The following MAGI2 variants were observed in gnomAD, a reference collection of about 807,000 sequenced individuals.
MAGI2 encodes the protein membrane-associated guanylate kinase, WW and PDZ domain-containing protein 2.
A neutral mutation model predicts 133.3 loss-of-function variants in MAGI2; 35 were observed. That is an observed-to-expected ratio of 0.26 (90% confidence interval 0.20 to 0.35). MAGI2 has a LOEUF of 0.35. Among genes scored for constraint, MAGI2 ranks in the 10% least tolerant of loss-of-function variants. The probability of loss-of-function intolerance (pLI) is 1.00; values close to 1 mark genes in which losing one functional copy is unlikely to be tolerated. For synonymous variants in MAGI2, 729 were observed against 710.6 expected (o/e 1.03, Z -0.41); for missense variants, 1,636 against 1,863.4 (o/e 0.88, Z 2.25).
chr7:78,451,935 A>T (rs988117581), intron 6 of MAGI2, among the ~76,000 whole-genome samples: 2 of 152,108 alleles, frequency 1.3e-5, no homozygotes, highest in African/African-American at 4.8e-5. Flanking sequence ...GGCATTTAAA[A>T]ATATTTCACA....
intron 2 of MAGI2, among the ~76,000 whole-genome samples, chr7:78,751,933 T>C (rs904118603): frequency 3.9e-5 from 6 of 152,216 alleles, no homozygotes; most frequent in Admixed American, 1.3e-4. Context: ...ACTTATAGTC[T>C]ACTACAGACA....
At chr7:78,613,886 ATTAC>A (rs1216481597) in intron 3 of MAGI2, among the ~76,000 whole-genome samples, 2 of 151,986 alleles carry the variant, frequency 1.3e-5, no homozygotes, top group Non-Finnish European at 2.9e-5. Context: ...AGGTGGGTGG[ATTAC>A]TTGAGGTCAG....
intron 1 of MAGI2, among the ~76,000 whole-genome samples, chr7:79,341,195 T>G (rs1840875834): frequency 6.6e-6 from 1 of 152,180 alleles, no homozygotes; most frequent in African/African-American, 2.4e-5. Flanking sequence ...CTTTAATTTT[T>G]GTATTGGGCA....
At chr7:78,628,166 T>C (rs893522323) in intron 2 of MAGI2, among the ~76,000 whole-genome samples, 1 of 152,218 alleles carries the variant, frequency 6.6e-6, no homozygotes, top group Non-Finnish European at 1.5e-5. Flanking sequence ...TCTTCAAGGC[T>C]GCAGGTTTGT....
chr7:78,689,380 A>G (rs1274952319), intron 2 of MAGI2, among the ~76,000 whole-genome samples: 1 of 152,156 alleles, frequency 6.6e-6, no homozygotes, highest in Admixed American at 6.5e-5. Context: ...ATATTCTATA[A>G]GCTGATATTA....
chr7:78,936,100 T>G (rs1390525522), intron 2 of MAGI2, among the ~76,000 whole-genome samples: 1 of 152,014 alleles, frequency 6.6e-6, no homozygotes, highest in Non-Finnish European at 1.5e-5. Flanking sequence ...GAATATTAAT[T>G]ATTAAAGACA....
intron 6 of MAGI2, among the ~76,000 whole-genome samples, chr7:78,419,859 A>C (rs912163523): frequency 2.6e-5 from 4 of 152,118 alleles, no homozygotes; most frequent in African/African-American, 9.7e-5. Context: ...ACTTGCTTGG[A>C]GAGTAGCATT....
At chr7:78,997,788 T>TA (rs1450633721) in intron 2 of MAGI2, among the ~76,000 whole-genome samples, 1 of 152,294 alleles carries the variant, frequency 6.6e-6, no homozygotes, top group African/African-American at 2.4e-5. Flanking sequence ...CCTTTAGCTA[T>TA]ATCTATTTGG....
chr7:78,477,650 G>A (rs1791914425), intron 6 of MAGI2, among the ~76,000 whole-genome samples: 1 of 151,814 alleles, frequency 6.6e-6, no homozygotes, highest in Non-Finnish European at 1.5e-5. Context: ...TTCACTACCA[G>A]GAGAACAGTT....
At chr7:78,674,986 T>C (rs1814846096) in intron 2 of MAGI2, among the ~76,000 whole-genome samples, 1 of 152,166 alleles carries the variant, frequency 6.6e-6, no homozygotes, top group Non-Finnish European at 1.5e-5. Context: ...AGGACAAAGC[T>C]TTCTCTTTTC....
intron 3 of MAGI2, among the ~76,000 whole-genome samples, chr7:78,604,518 T>C (rs541254341): frequency 8.0e-4 from 122 of 152,332 alleles, no homozygotes; most frequent in Non-Finnish European, 1.5e-3. Context: ...ATTCATTCAC[T>C]AAGCAAATAT....
chr7:78,870,386 A>G (rs1037661645), intron 2 of MAGI2, among the ~76,000 whole-genome samples: 4 of 151,612 alleles, frequency 2.6e-5, no homozygotes, highest in Non-Finnish European at 4.4e-5. Flanking sequence ...TAGTAGGCAA[A>G]CGACATGAAT....
At chr7:78,082,511 C>T (rs1282537920) in intron 20 of MAGI2, among the ~76,000 whole-genome samples, 1 of 152,112 alleles carries the variant, frequency 6.6e-6, no homozygotes, top group East Asian at 1.9e-4. Flanking sequence ...ATGTAGGGTC[C>T]CCTCAGAGGG....
At chr7:78,707,225 A>G (rs1325898394) in intron 2 of MAGI2, among the ~76,000 whole-genome samples, 1 of 152,130 alleles carries the variant, frequency 6.6e-6, no homozygotes, top group Admixed American at 6.6e-5. Context: ...CACCCATTAG[A>G]CCAAGGGAAG....
intron 1 of MAGI2, among the ~76,000 whole-genome samples, chr7:79,318,883 A>G (rs17152245): frequency 0.061 from 9,297 of 152,208 alleles, 531 homozygotes; most frequent in African/African-American, 0.15. Context: ...CTCTCTGTAT[A>G]TGAATTACAG....
intron 1 of MAGI2, among the ~76,000 whole-genome samples, chr7:79,022,008 G>T (rs1406219753): frequency 3.3e-5 from 5 of 152,060 alleles, no homozygotes; most frequent in Admixed American, 6.6e-5. Flanking sequence ...TCCCCCATTT[G>T]CTCAGCAGTC....
intron 3 of MAGI2, among the ~76,000 whole-genome samples, chr7:78,541,262 T>A (rs1315713514): frequency 6.6e-6 from 1 of 152,172 alleles, no homozygotes; most frequent in Admixed American, 6.5e-5. Context: ...TTTTAAAAAG[T>A]CTTAATAGAT....
chr7:78,779,671 C>T (rs918336540), intron 2 of MAGI2, among the ~76,000 whole-genome samples: 33 of 152,328 alleles, frequency 2.2e-4, no homozygotes, highest in African/African-American at 7.7e-4. Flanking sequence ...AGGAACTCAT[C>T]AGGCTCATAG....
intron 2 of MAGI2, among the ~76,000 whole-genome samples, chr7:78,990,323 A>C (rs1407086793): frequency 1.3e-5 from 2 of 152,098 alleles, no homozygotes; most frequent in Non-Finnish European, 2.9e-5. Context: ...ACTGGAAAAA[A>C]AATAGTAAGA....
Sources: allele counts gnomAD v4.1 joint callset (sites outside exome capture counted in the v4.1 genomes callset), GRCh38; gene constraint gnomAD v4.1.1; transcripts MANE v1.5; gene names NCBI Gene and HGNC (gene_info 2026-07-23, HGNC 2026-07-21).